ZCCHC7: variants seen among roughly 807,000 people sequenced by gnomAD.
The protein encoded by ZCCHC7 is zinc finger CCHC domain-containing protein 7.
A neutral mutation model predicts 52.0 loss-of-function variants in ZCCHC7; 35 were observed. That is an observed-to-expected ratio of 0.67 (90% CI 0.51 to 0.89). The LOEUF (loss-of-function observed/expected upper bound fraction) is 0.89, where lower values mean the gene tolerates loss of function less well. Among genes scored for constraint, ZCCHC7 ranks in the 40% least tolerant of loss-of-function variants. The probability of loss-of-function intolerance (pLI) is 0.00; values close to 1 mark genes in which losing one functional copy is unlikely to be tolerated. For missense variants in ZCCHC7, 574 were observed against 649.1 expected (o/e 0.88, Z 1.26); for synonymous variants, 217 against 221.5 (o/e 0.98, Z 0.18).
At chr9:37,170,490 G>A (rs1821670407) in intron 2 of ZCCHC7, among the ~76,000 whole-genome samples, 1 of 152,170 alleles carries the variant, frequency 6.6e-6, no homozygotes, top group Non-Finnish European at 1.5e-5. Context: ...ACTAAGACAG[G>A]ATCAGCCAAA....
chr9:37,333,960 A>G (rs1208214104), intron 6 of ZCCHC7: 1 of 151,906 alleles, frequency 6.6e-6, no homozygotes, highest in African/African-American at 2.4e-5. Flanking sequence ...TGACCCTATT[A>G]CAATAAAAAT....
In ZCCHC7 at chr9:37,303,655, C is replaced by CTTTTTTTTTTT. The variant is rs74182940; in HGVS notation, c.655-518_655-508dup. 4.4e-4 allele frequency among the ~76,000 whole-genome samples: 25 copies of CTTTTTTTTTTT among 56,774 alleles called. 4 individuals are homozygous for CTTTTTTTTTTT. The highest frequency in any genetic ancestry group is 1.7e-3 in the African/African-American group (22 of 12,676). The allele number at this position is 56,774 out of a possible 152,430, so 37.2% of individuals were successfully genotyped here. A position where few individuals can be genotyped will look rare whatever the true frequency, so the allele number is the denominator to read the frequency against. On this transcript the variant is annotated intron_variant, in intron 3 of 8. Transcript: ENST00000336755. Reference sequence around the variant, plus strand: ...CACCTCCTTTTATGTTTTTCTACCTCTTTTTTTTTTTTTTTTTTTTTTTTT... The same window carrying CTTTTTTTTTTT: ...CACCTCCTTTTATGTTTTTCTACCTCTTTTTTTTTTTTTTTTTTTTTTTTTTTTTTTTTTTT...
At chr9:37,244,918 C>T (rs1826021028) in intron 2 of ZCCHC7, among the ~76,000 whole-genome samples, 1 of 151,810 alleles carries the variant, frequency 6.6e-6, no homozygotes, top group Admixed American at 6.6e-5. Flanking sequence ...AGATATATCT[C>T]ACTTGGAAGA....
At chr9:37,180,734 G>C (rs946979721) in intron 2 of ZCCHC7, among the ~76,000 whole-genome samples, 1 of 152,052 alleles carries the variant, frequency 6.6e-6, no homozygotes, top group Non-Finnish European at 1.5e-5. Flanking sequence ...TGTATGATTT[G>C]AGTTGAAACT....
At chr9:37,268,568 A>G (rs1037123195) in intron 2 of ZCCHC7, among the ~76,000 whole-genome samples, 9 of 152,012 alleles carry the variant, frequency 5.9e-5, no homozygotes, top group Non-Finnish European at 4.4e-5. Context: ...CTGGGACTAC[A>G]GGCGCCCGCC....
chr9:37,259,604 T>C (rs1184691699), intron 2 of ZCCHC7, among the ~76,000 whole-genome samples: 1 of 152,206 alleles, frequency 6.6e-6, no homozygotes, highest in Non-Finnish European at 1.5e-5. Flanking sequence ...TATTTCAAAA[T>C]CTAAATTTAG....
chr9:37,148,108 G>A (rs12337316), intron 2 of ZCCHC7, among the ~76,000 whole-genome samples: 63,868 of 151,958 alleles, frequency 0.42, 14,876 homozygotes, highest in African/African-American at 0.62. Context: ...AGATTTGTAA[G>A]CTTTTGGTTT....
At chr9:37,281,603 T>C (rs1289902460) in intron 2 of ZCCHC7, among the ~76,000 whole-genome samples, 1 of 152,262 alleles carries the variant, frequency 6.6e-6, no homozygotes, top group Non-Finnish European at 1.5e-5. Flanking sequence ...CATGTGATTG[T>C]ACTATATCAA....
chr9:37,210,147 C>T (rs1158641413), intron 2 of ZCCHC7, among the ~76,000 whole-genome samples: 1 of 152,100 alleles, frequency 6.6e-6, no homozygotes, highest in African/African-American at 2.4e-5. Flanking sequence ...GTGGCTGGCT[C>T]TCATCTCCCT....
intron 2 of ZCCHC7, among the ~76,000 whole-genome samples, chr9:37,188,363 C>T (rs1445801252): frequency 1.3e-5 from 2 of 151,800 alleles, no homozygotes; most frequent in African/African-American, 2.4e-5. Flanking sequence ...TATGTTGCCC[C>T]AGTCTGGTCT....
At chr9:37,332,225 C>G (rs186146727) in intron 6 of ZCCHC7, among the ~76,000 whole-genome samples, 1 of 151,566 alleles carries the variant, frequency 6.6e-6, no homozygotes, top group African/African-American at 2.4e-5. Flanking sequence ...CTGAGGTGAA[C>G]GTGATTGTGC....
chr9:37,309,158 T>C (rs1181364375), intron 5 of ZCCHC7, among the ~76,000 whole-genome samples: 1 of 152,160 alleles, frequency 6.6e-6, no homozygotes, highest in Non-Finnish European at 1.5e-5. Flanking sequence ...CTGGTCTTTG[T>C]AGCCTACACA....
intron 2 of ZCCHC7, among the ~76,000 whole-genome samples, chr9:37,289,656 G>A (rs1828436264): frequency 6.6e-6 from 1 of 152,100 alleles, no homozygotes; most frequent in Admixed American, 6.6e-5. Context: ...TCTCAGTGGA[G>A]TGATTCTTTG....
At chr9:37,208,100 TTG>T (rs1395144444) in intron 2 of ZCCHC7, among the ~76,000 whole-genome samples, 1 of 152,142 alleles carries the variant, frequency 6.6e-6, no homozygotes, top group Non-Finnish European at 1.5e-5. Context: ...CTGCTTTTGT[TTG>T]TTTGTTTTCA....
At chr9:37,355,057 A>C (rs1222121581) in intron 8 of ZCCHC7, among the ~76,000 whole-genome samples, 2 of 152,306 alleles carry the variant, frequency 1.3e-5, no homozygotes, top group Middle Eastern at 3.4e-3. Flanking sequence ...ATTTTAGGAA[A>C]TGTCCAGAAA....
intron 6 of ZCCHC7, among the ~76,000 whole-genome samples, chr9:37,344,566 G>A (rs1331350016): frequency 6.6e-6 from 1 of 152,158 alleles, no homozygotes; most frequent in Admixed American, 6.5e-5. Flanking sequence ...TACGCCAAGA[G>A]TGGTGTTTCC....
chr9:37,226,972 T>C (rs1178686995), intron 2 of ZCCHC7, among the ~76,000 whole-genome samples: 2 of 140,802 alleles, frequency 1.4e-5, no homozygotes, highest in East Asian at 4.1e-4. Flanking sequence ...GAGCTTGCAG[T>C]GAGCCGAGAT....
intron 2 of ZCCHC7, among the ~76,000 whole-genome samples, chr9:37,277,875 G>A (rs915315256): frequency 2.6e-5 from 4 of 151,838 alleles, no homozygotes; most frequent in Non-Finnish European, 2.9e-5. Flanking sequence ...ACAAGATGTA[G>A]AATACAATCC....
chr9:37,197,820 C>G (rs949063527), intron 2 of ZCCHC7, among the ~76,000 whole-genome samples: 3 of 152,022 alleles, frequency 2.0e-5, no homozygotes, highest in Non-Finnish European at 4.4e-5. Flanking sequence ...AAGTGGTTGT[C>G]TCTTTGGCAT....
Sources: allele counts gnomAD v4.1 joint callset (sites outside exome capture counted in the v4.1 genomes callset), GRCh38; gene constraint gnomAD v4.1.1; transcripts MANE v1.5; gene names NCBI Gene and HGNC (gene_info 2026-07-23, HGNC 2026-07-21).